The following GPC6 variants were observed in gnomAD, a reference collection of about 807,000 sequenced individuals.
The protein encoded by GPC6 is glypican-6.
A neutral mutation model predicts 55.2 loss-of-function variants in GPC6; 14 were observed. That is an observed-to-expected ratio of 0.25 (90% CI 0.17 to 0.40). The LOEUF is 0.40. Among genes scored for constraint, GPC6 ranks in the 10% least tolerant of loss-of-function variants. GPC6 has a pLI of 1.00. For missense variants in GPC6, 641 were observed against 708.5 expected (o/e 0.90, Z 1.08); for synonymous variants, 278 against 259.6 (o/e 1.07, Z -0.68).
At position 93,411,130 on chromosome 13, in the gene GPC6, C is replaced by T. The variant is rs79240502; in HGVS notation, c.161-134133C>T. On this transcript the variant is annotated intron_variant, in intron 1 of 8. Coordinates refer to ENST00000377047, the MANE Select transcript of GPC6 (RefSeq NM_005708.5). ...TTAAGATATTTCCTCGAAGGCTGGT[C>T]GAGTCCAAAACTGGCTTCCCATTTC... Among the ~76,000 whole-genome samples, 788 of 152,252 alleles carry T rather than the reference C, an allele frequency of 5.2e-3. 2 individuals are homozygous for T. Among genetic ancestry groups the T allele is most frequent in the Non-Finnish European group, 8.0e-3 (544 of 68,028 alleles).
At chr13:93,607,263 T>C (rs952728367) in intron 2 of GPC6, among the ~76,000 whole-genome samples, 2 of 152,236 alleles carry the variant, frequency 1.3e-5, no homozygotes, top group Non-Finnish European at 1.5e-5. Flanking sequence ...TTTTTGTTCT[T>C]CACAATTTGC....
At chr13:94,199,111 C>T (rs772126893) in intron 4 of GPC6, among the ~76,000 whole-genome samples, 8 of 152,302 alleles carry the variant, frequency 5.3e-5, no homozygotes, top group Non-Finnish European at 8.8e-5. Flanking sequence ...GTGCTGGAAG[C>T]TACATTAGAC....
At chr13:93,693,461 C>CTGTGTG (rs35459356) in intron 2 of GPC6, among the ~76,000 whole-genome samples, 20,961 of 139,264 alleles carry the variant, frequency 0.15, 1,933 homozygotes, top group Middle Eastern at 0.25. Context: ...GTATGTATAT[C>CTGTGTG]TGTGTGTGTG....
intron 2 of GPC6, among the ~76,000 whole-genome samples, chr13:93,716,894 A>G (rs1166940228): frequency 6.6e-6 from 1 of 151,624 alleles, no homozygotes; most frequent in Admixed American, 6.6e-5. Context: ...CCATATATTT[A>G]CTGTATCTTT....
chr13:93,260,338 A>G (rs1877100028), intron 1 of GPC6, among the ~76,000 whole-genome samples: 1 of 152,132 alleles, frequency 6.6e-6, no homozygotes, highest in South Asian at 2.1e-4. Flanking sequence ...AATACCATTC[A>G]TTTTGTTAAT....
chr13:93,970,688 C>G (rs1395097473), intron 3 of GPC6, among the ~76,000 whole-genome samples: 1 of 152,180 alleles, frequency 6.6e-6, no homozygotes, highest in African/African-American at 2.4e-5. Context: ...ATTGCAAAAG[C>G]TCCTTAAATG....
chr13:94,262,533 C>T (rs765027618), intron 4 of GPC6, among the ~76,000 whole-genome samples: 6 of 151,908 alleles, frequency 3.9e-5, no homozygotes, highest in South Asian at 2.1e-4. Context: ...ATTAACTGGG[C>T]GTGGTGGTGC....
At chr13:93,362,784 G>A (rs985124385) in intron 1 of GPC6, among the ~76,000 whole-genome samples, 1 of 152,072 alleles carries the variant, frequency 6.6e-6, no homozygotes, top group Non-Finnish European at 1.5e-5. Flanking sequence ...AACAACTGTG[G>A]TACATTTTGT....
chr13:94,326,298 C>G (rs1236878701), intron 6 of GPC6, among the ~76,000 whole-genome samples: 1 of 151,916 alleles, frequency 6.6e-6, no homozygotes, highest in Non-Finnish European at 1.5e-5. Flanking sequence ...CATCTTGACT[C>G]CTCTCCTTTT....
chr13:93,875,591 T>C (rs938929847), intron 3 of GPC6, among the ~76,000 whole-genome samples: 1 of 152,100 alleles, frequency 6.6e-6, no homozygotes, highest in African/African-American at 2.4e-5. Context: ...CTTTCTTGTT[T>C]GATACTGTGT....
chr13:93,770,050 G>A (rs971608209), intron 2 of GPC6, among the ~76,000 whole-genome samples: 1 of 152,126 alleles, frequency 6.6e-6, no homozygotes, highest in African/African-American at 2.4e-5. Flanking sequence ...AGTAAATTGA[G>A]ACATTTAGTT....
chr13:93,328,422 T>G, intron 1 of GPC6, among the ~76,000 whole-genome samples: 1 of 152,046 alleles, frequency 6.6e-6, no homozygotes, highest in East Asian at 1.9e-4. Context: ...TCCTGTAATC[T>G]TAGCATTTTG....
At chr13:94,256,997 T>A (rs1020514991) in intron 4 of GPC6, among the ~76,000 whole-genome samples, 1 of 152,262 alleles carries the variant, frequency 6.6e-6, no homozygotes, top group African/African-American at 2.4e-5. Flanking sequence ...GTTTTAGGCT[T>A]TCTTTTCTGA....
chr13:93,342,938 T>C (rs1880308610), intron 1 of GPC6, among the ~76,000 whole-genome samples: 2 of 152,204 alleles, frequency 1.3e-5, no homozygotes, highest in African/African-American at 2.4e-5. Flanking sequence ...GAAGGAAATT[T>C]GTGCTGGGAA....
chr13:94,279,633 G>A lies in GPC6; in HGVS notation c.878-6716G>A, dbSNP rs145553013. Among the ~76,000 whole-genome samples, 735 of 152,094 alleles carry A rather than the reference G, an allele frequency of 4.8e-3. 8 individuals are homozygous for A. Among genetic ancestry groups the A allele is most frequent in the Non-Finnish European group, 8.6e-3 (586 of 67,988 alleles). The stretch of plus-strand genomic sequence containing the variant: ...CTTTAGGTGTGTCCCAGAGATTCTC[G>A]TATGCTGTCTGTTTATTCTATTGGT... On this transcript the variant is annotated intron_variant, in intron 4 of 8. Transcript: ENST00000377047.
chr13:93,281,748 G>A (rs1358894429), intron 1 of GPC6, among the ~76,000 whole-genome samples: 4 of 152,140 alleles, frequency 2.6e-5, no homozygotes, highest in African/African-American at 7.2e-5. Flanking sequence ...TCTGGGAGGC[G>A]GAGGTTGTGG....
chr13:93,247,835 G>T (rs1242503718), intron 1 of GPC6, among the ~76,000 whole-genome samples: 1 of 151,952 alleles, frequency 6.6e-6, no homozygotes, highest in Non-Finnish European at 1.5e-5. Context: ...TATGTATTTT[G>T]TGCAAAAGAC....
intron 2 of GPC6, among the ~76,000 whole-genome samples, chr13:93,592,579 T>C (rs1312948774): frequency 1.3e-5 from 2 of 151,236 alleles, no homozygotes; most frequent in Non-Finnish European, 2.9e-5. Flanking sequence ...TTTTGGTTGT[T>C]CATAAGTTGA....
intron 2 of GPC6, among the ~76,000 whole-genome samples, chr13:93,792,831 C>A (rs1374206023): frequency 6.6e-6 from 1 of 152,138 alleles, no homozygotes. Flanking sequence ...GTGAGCTTCT[C>A]AGGACAGGCT....
Sources: gnomAD v4.1 joint callset for allele counts (sites outside exome capture counted in the v4.1 genomes callset) on GRCh38, gnomAD v4.1.1 for gene constraint, MANE v1.5 for transcripts, NCBI Gene and HGNC (gene_info 2026-07-23, HGNC 2026-07-21) for gene names.